The following ZCCHC14 variants were observed in gnomAD, a reference collection of about 807,000 sequenced individuals.
The protein encoded by ZCCHC14 is zinc finger CCHC-type containing 14.
A neutral mutation model predicts 85.0 loss-of-function variants in ZCCHC14; 16 were observed. The observed-to-expected ratio is 0.19, with a 90% CI of 0.13 to 0.29. ZCCHC14 has a LOEUF of 0.29. Ranked by LOEUF, ZCCHC14 falls within the 10% of genes least tolerant of loss-of-function variation. The pLI is 1.00. For missense variants in ZCCHC14, 1,303 were observed against 1,443.5 expected (o/e 0.90, Z 1.58); for synonymous variants, 775 against 630.7 (o/e 1.23, Z -3.43).
intron 2 of ZCCHC14, among the ~76,000 whole-genome samples, chr16:87,440,417 G>C (rs1910128032): frequency 6.6e-6 from 1 of 151,686 alleles, no homozygotes; most frequent in Admixed American, 6.6e-5. Context: ...CACCCACCTT[G>C]GCCTCCCAAA....
chr16:87,434,492 C>T (rs1324156302), intron 2 of ZCCHC14, among the ~76,000 whole-genome samples: 1 of 152,240 alleles, frequency 6.6e-6, no homozygotes, highest in African/African-American at 2.4e-5. Context: ...TGGCCGCGTG[C>T]GACGGGGATG....
Position 87,446,209 on chromosome 16 carries a change from T to C in ZCCHC14, c.695-13008A>G, listed in dbSNP as rs968854049. Among the ~76,000 whole-genome samples the C allele has an allele frequency of 3.5e-5, 5 of 141,510 alleles. No homozygotes were observed. The Middle Eastern group carries it at 0.016, about 446-fold the overall frequency. The allele number at this position is 141,510 out of a possible 152,430, so 92.8% of individuals were successfully genotyped here. On this transcript the variant is annotated intron_variant, in intron 2 of 12. Transcript: ENST00000671377. ...AGACTTAAAAAAAAAATTGGCAGGG[T>C]GCGGTGGCTCACGCCTGTAATCCCA...
intron 2 of ZCCHC14, among the ~76,000 whole-genome samples, chr16:87,453,777 A>T (rs1910824294): frequency 6.6e-6 from 1 of 152,358 alleles, no homozygotes; most frequent in South Asian, 2.1e-4. Context: ...TTAGACATTC[A>T]TAAAAATAGG....
At chr16:87,472,118 G>C (rs117132636) in intron 1 of ZCCHC14, 2,613 of 152,424 alleles carry the variant, frequency 0.017, 28 homozygotes, top group Middle Eastern at 0.048. Context: ...GGGGGTAGGG[G>C]TGGAACTGAA....
intron 3 of ZCCHC14, among the ~76,000 whole-genome samples, chr16:87,428,595 C>G (rs1209916822): frequency 6.6e-6 from 1 of 152,102 alleles, no homozygotes; most frequent in Non-Finnish European, 1.5e-5. Context: ...CGATGAACTG[C>G]ACGTATTTAA....
chr16:87,438,617 A>C (rs1910043616), intron 2 of ZCCHC14, among the ~76,000 whole-genome samples: 1 of 152,256 alleles, frequency 6.6e-6, no homozygotes, highest in African/African-American at 2.4e-5. Flanking sequence ...ATAGTTTGTA[A>C]TCAAATATGA....
Position 87,491,233 on chromosome 16 carries a change from C to A in ZCCHC14, c.570+436G>T, listed in dbSNP as rs959775590. On this transcript the variant is annotated intron_variant, in intron 1 of 12. Transcript: ENST00000671377. The surrounding 1 kb of genome is among the most constrained non-coding windows in gnomAD (Gnocchi z 5.9). The stretch of plus-strand genomic sequence containing the variant: ...CTCCCGCGGATCCTCGGACCCAGGG[C>A]CCCTGCAGCCGCTCCTGCCCAAGGG... Among the ~76,000 whole-genome samples, 1 of 152,240 alleles carries A rather than the reference C, an allele frequency of 6.6e-6. No homozygotes were observed. Among genetic ancestry groups the A allele is most frequent in the Non-Finnish European group, 1.5e-5 (1 of 68,036 alleles).
At chr16:87,434,465 T>C (rs1252951213) in intron 2 of ZCCHC14, among the ~76,000 whole-genome samples, 3 of 152,228 alleles carry the variant, frequency 2.0e-5, no homozygotes, top group Non-Finnish European at 4.4e-5. Context: ...CAGCCTTCGC[T>C]GGGTCTGGAG....
intron 2 of ZCCHC14, among the ~76,000 whole-genome samples, chr16:87,449,864 G>C (rs1031069831): frequency 2.0e-5 from 3 of 152,276 alleles, no homozygotes; most frequent in Middle Eastern, 3.4e-3. Flanking sequence ...GGCCAACATG[G>C]CAAAACCCTG....
rs1457387242 is a variant in ZCCHC14, at chr16:87,424,525, G to A, written c.769-644C>T. Among the ~76,000 whole-genome samples, 5 of 152,290 alleles carry A rather than the reference G, an allele frequency of 3.3e-5. No homozygotes were observed. The East Asian group carries it at 5.8e-4, about 18-fold the overall frequency. On this transcript the variant is annotated intron_variant, in intron 3 of 12. Coordinates refer to ENST00000671377, the MANE Select transcript of ZCCHC14 (RefSeq NM_015144.3). ...TTGTGAGCATCAGCTTTCCTTCCCA[G>A]CATGCAGCAGCGGGCGGTGTCACTG...
At position 87,451,678 on chromosome 16, in the gene ZCCHC14, G is replaced by C. The variant is rs573586259; in HGVS notation, c.694+8330C>G. On this transcript the variant is annotated intron_variant, in intron 2 of 12. Coordinates refer to ENST00000671377, the MANE Select transcript of ZCCHC14 (RefSeq NM_015144.3). ...GAAGTGATGCTGTGCTAGGCTTCAA[G>C]GGCAGGGCCTATTCTGGGCAGAGGG... is the stretch of plus-strand genomic sequence containing the variant. Among the ~76,000 whole-genome samples the C allele has an allele frequency of 2.0e-4, 31 of 152,334 alleles. No homozygotes were observed. The South Asian group carries it at 4.6e-3, about 22-fold the overall frequency.
At chr16:87,461,111 C>A (rs1385545263) in intron 1 of ZCCHC14, among the ~76,000 whole-genome samples, 7 of 152,218 alleles carry the variant, frequency 4.6e-5, no homozygotes, top group Non-Finnish European at 8.8e-5. Flanking sequence ...ACGGCCGCCC[C>A]CAAGCTGTGG....
intron 1 of ZCCHC14, among the ~76,000 whole-genome samples, chr16:87,476,016 C>G (rs1428830862): frequency 1.3e-5 from 2 of 152,186 alleles, no homozygotes; most frequent in Non-Finnish European, 2.9e-5. Context: ...CTTGTGAGCA[C>G]AGGGGAGCAG....
chr16:87,486,445 T>C (rs73242748), intron 1 of ZCCHC14, among the ~76,000 whole-genome samples: 1 of 152,170 alleles, frequency 6.6e-6, no homozygotes. Context: ...AGCAACAGGC[T>C]CTACAATGTG....
At chr16:87,426,883 A>T (rs1909398940) in intron 3 of ZCCHC14, among the ~76,000 whole-genome samples, 1 of 152,266 alleles carries the variant, frequency 6.6e-6, no homozygotes, top group Non-Finnish European at 1.5e-5. Flanking sequence ...GCTATGAAAA[A>T]ACAACTGTCA....
chr16:87,433,224 A>G lies in ZCCHC14; in HGVS notation c.695-23T>C, dbSNP rs58102621. 413 of 1,606,210 alleles carry G rather than the reference A, an allele frequency of 2.6e-4. 2 individuals carry two copies. The highest frequency in any genetic ancestry group is 1.7e-3 in the South Asian group (155 of 90,748). ...TCACTGTAAAAGTAAAACAAAAAAC[A>G]AAAATGAAATAAGAGCTTGAAGTAT... On this transcript the variant is annotated intron_variant, in intron 2 of 12. Coordinates refer to ENST00000671377, the MANE Select transcript of ZCCHC14 (RefSeq NM_015144.3).
At chr16:87,490,563 A>G (rs1329940836) in intron 1 of ZCCHC14, among the ~76,000 whole-genome samples, 1 of 152,210 alleles carries the variant, frequency 6.6e-6, no homozygotes, top group Non-Finnish European at 1.5e-5. Context: ...CACATCGCTA[A>G]GTGGATGGCC....
chr16:87,452,708 C>A (rs1910764017), intron 2 of ZCCHC14, among the ~76,000 whole-genome samples: 1 of 152,180 alleles, frequency 6.6e-6, no homozygotes, highest in East Asian at 1.9e-4. Flanking sequence ...TGGGGCAGGG[C>A]AGTCACAAAT....
At chr16:87,441,831 T>C (rs992416198) in intron 2 of ZCCHC14, among the ~76,000 whole-genome samples, 14 of 152,194 alleles carry the variant, frequency 9.2e-5, no homozygotes, top group African/African-American at 3.1e-4. Context: ...TATGAAAACG[T>C]AGTGTTGGGG....
Sources: allele counts gnomAD v4.1 joint callset (sites outside exome capture counted in the v4.1 genomes callset), GRCh38; gene constraint gnomAD v4.1.1; non-coding constraint Gnocchi (gnomAD v3.1); transcripts MANE v1.5; gene names NCBI Gene and HGNC (gene_info 2026-07-23, HGNC 2026-07-21).